GNAL: variants seen among roughly 807,000 people sequenced by gnomAD.
GNAL encodes G protein subunit alpha L.
A neutral mutation model predicts 55.1 loss-of-function variants in GNAL; 18 were observed. That is an observed-to-expected ratio of 0.33 (90% CI 0.23 to 0.48). GNAL has a LOEUF of 0.48. Ranked by LOEUF, GNAL falls within the 20% of genes least tolerant of loss-of-function variation. The pLI is 0.99. For synonymous variants in GNAL, 253 were observed against 237.0 expected, an observed-to-expected ratio of 1.07 and a Z score of -0.62; for missense variants, 412 against 614.1, an observed-to-expected ratio of 0.67 and a Z score of 3.48.
Position 11,867,149 on chromosome 18 carries a change from TCC to T in GNAL, c.852-18_852-17del. On this transcript the variant is annotated splice_polypyrimidine_tract_variant and intron_variant, in intron 7 of 11. Coordinates refer to ENST00000334049, the MANE Select transcript of GNAL (RefSeq NM_182978.4). ...CCCTGCTTCCCCCAAATAATTGTGT[TCC>T]TCTTGCTCTTCCACAGCATGTTTGA... The T allele has an allele frequency of 6.3e-7, 1 of 1,594,954 alleles. No homozygotes were observed. The highest frequency in any genetic ancestry group is 2.2e-5 in the East Asian group (1 of 44,776).
In GNAL at chr18:11,788,910, A is replaced by ATATAT. The variant is rs1314963053; in HGVS notation, c.624+34965_624+34966insTATAT. Among the ~76,000 whole-genome samples the ATATAT allele has an allele frequency of 2.8e-3, 205 of 73,292 alleles. 1 individual carries two copies. The highest frequency in any genetic ancestry group is 8.8e-3 in the Middle Eastern group (1 of 114). The allele number at this position is 73,292 out of a possible 152,430, so 48.1% of individuals were successfully genotyped here. The stretch of plus-strand genomic sequence containing the variant: ...AGACTCCGTCTCGAAAAAAAAAAAA[A>ATATAT]AAAAATATATATATATATATATATA... On this transcript the variant is annotated intron_variant, in intron 4 of 11. Coordinates refer to ENST00000334049, the MANE Select transcript of GNAL (RefSeq NM_182978.4).
chr18:11,767,695 C>A, intron 4 of GNAL, among the ~76,000 whole-genome samples: 1 of 152,188 alleles, frequency 6.6e-6, no homozygotes, highest in Non-Finnish European at 1.5e-5. Context: ...CTCTGTGCAT[C>A]CTTGCACTTG....
intron 4 of GNAL, among the ~76,000 whole-genome samples, chr18:11,815,603 A>G (rs920925326): frequency 3.3e-5 from 5 of 152,184 alleles, no homozygotes; most frequent in African/African-American, 1.2e-4. Flanking sequence ...CCCACCTCCA[A>G]CATTGGGGAT....
intron 4 of GNAL, among the ~76,000 whole-genome samples, chr18:11,768,893 CA>C (rs201256718): frequency 0.015 from 1,179 of 79,586 alleles, 59 homozygotes; most frequent in Middle Eastern, 0.038. Flanking sequence ...GACTCTGTCT[CA>C]AAAAAAAAAA....
chr18:11,794,759 T>TAAAAA (rs775143875), intron 4 of GNAL, among the ~76,000 whole-genome samples: 17 of 90,360 alleles, frequency 1.9e-4, no homozygotes, highest in African/African-American at 6.6e-4. Context: ...ACACACAGGT[T>TAAAAA]AAAAAAAAAA....
intron 4 of GNAL, among the ~76,000 whole-genome samples, chr18:11,796,082 A>G (rs1282575523): frequency 1.3e-5 from 2 of 152,144 alleles, no homozygotes; most frequent in Non-Finnish European, 2.9e-5. Flanking sequence ...GAGGAAAGTA[A>G]CCATCCCTCC....
chr18:11,817,373 T>C (rs1292774742), intron 4 of GNAL, among the ~76,000 whole-genome samples: 1 of 152,196 alleles, frequency 6.6e-6, no homozygotes, highest in African/African-American at 2.4e-5. Flanking sequence ...CATGTTGTCA[T>C]TGAATTACCT....
rs116875114 is a variant in GNAL at position 11,869,140 on chromosome 18, T to A, written c.1031+477T>A. Among the ~76,000 whole-genome samples the A allele has an allele frequency of 2.3e-3, 323 of 137,878 alleles. 1 individual carries two copies. The highest frequency in any genetic ancestry group is 3.7e-3 in the Non-Finnish European group (239 of 64,410). 90.5% of individuals were successfully genotyped at this position (137,878 alleles called of 152,430 possible). A position where few individuals can be genotyped will look rare whatever the true frequency, so the allele number is the denominator to read the frequency against. On this transcript the variant is annotated intron_variant, in intron 9 of 11. Coordinates refer to ENST00000334049, the MANE Select transcript of GNAL (RefSeq NM_182978.4). ...ATACTTAAAATGTGGAATATTTTTT[T>A]TTATTATTTTTTTTTTATTTTGAGA... is the stretch of plus-strand genomic sequence containing the variant.
intron 1 of GNAL, among the ~76,000 whole-genome samples, chr18:11,710,868 CTGTTTTGTTT>C (rs542715685): frequency 7.2e-5 from 11 of 151,874 alleles, no homozygotes; most frequent in African/African-American, 2.2e-4. Flanking sequence ...TCAGTATGAA[CTGTTTTGTTT>C]TGTTTTGTTT....
intron 5 of GNAL, among the ~76,000 whole-genome samples, chr18:11,841,314 T>C (rs955898148): frequency 2.0e-5 from 3 of 152,150 alleles, no homozygotes; most frequent in Non-Finnish European, 2.9e-5. Context: ...AGGGCAAGGT[T>C]AATCATGATT....
chr18:11,852,059 C>A (rs772587665), intron 5 of GNAL: 2 of 1,613,102 alleles, frequency 1.2e-6, no homozygotes, highest in East Asian at 2.2e-5. Context: ...GTGGCTTCGG[C>A]GGAGCAGGAT....
At position 11,752,138 on chromosome 18, in the gene GNAL, GCCCC is replaced by G; in HGVS notation, c.377-712_377-709del. The G allele has an allele frequency of 4.3e-6, 1 of 234,328 alleles. No homozygotes were observed. Among genetic ancestry groups the G allele is most frequent in the Non-Finnish European group, 7.7e-6 (1 of 130,322 alleles). The allele number at this position is 234,328 out of a possible 1,614,324, so 14.5% of individuals were successfully genotyped here. A position where few individuals can be genotyped will look rare whatever the true frequency, so the allele number is the denominator to read the frequency against. On this transcript the variant is annotated intron_variant, in intron 1 of 11. Coordinates refer to ENST00000334049, the MANE Select transcript of GNAL (RefSeq NM_182978.4). This position sits in a 1 kb window ranked among gnomAD's most constrained non-coding sequence, Gnocchi z 4.5. ...GTCTCCAGCGGAGACCGGCGCCCTC[GCCCC>G]CCGTCTCCGTTCATTGTGCTGTATT...
At chr18:11,753,409 A>G in intron 2 of GNAL, 1 of 508,132 alleles carries the variant, frequency 2.0e-6, no homozygotes, top group Non-Finnish European at 3.5e-6. Flanking sequence ...AGATTTTTAA[A>G]AAAATGTGTG....
At position 11,738,876 on chromosome 18, in the gene GNAL, C is replaced by T. The variant is rs572435433; in HGVS notation, c.377-13977C>T. ...GAGGATGAGGAGGATGTGCAGGTTG[C>T]CAGGCAGGACGGCAGTGACCTGGGG... On this transcript the variant is annotated intron_variant, in intron 1 of 11. Transcript: ENST00000334049. 4.6e-5 allele frequency among the ~76,000 whole-genome samples: 7 copies of T among 152,248 alleles called. No homozygotes were observed. The East Asian group carries it at 1.4e-3, about 30-fold the overall frequency.
intron 4 of GNAL, among the ~76,000 whole-genome samples, chr18:11,783,487 ACT>A (rs1311851761): frequency 7.2e-5 from 11 of 152,188 alleles, no homozygotes; most frequent in Admixed American, 1.3e-4. Context: ...AAGCCAAGAA[ACT>A]CTACTAATCT....
At chr18:11,799,887 T>C (rs1416158728) in intron 4 of GNAL, among the ~76,000 whole-genome samples, 1 of 152,024 alleles carries the variant, frequency 6.6e-6, no homozygotes, top group African/African-American at 2.4e-5. Context: ...CCCTGAGGCC[T>C]TCTCTCTCCC....
At chr18:11,727,262 G>T (rs1006138462) in intron 1 of GNAL, among the ~76,000 whole-genome samples, 6 of 152,156 alleles carry the variant, frequency 3.9e-5, no homozygotes, top group Non-Finnish European at 8.8e-5. Flanking sequence ...GGAGCCGCAG[G>T]GTGTCAGGCA....
intron 4 of GNAL, chr18:11,810,802 T>C (rs2034793251): frequency 6.6e-6 from 1 of 152,308 alleles, no homozygotes; most frequent in Admixed American, 6.5e-5. Flanking sequence ...TGGCTATAAG[T>C]GCATTGGCCT....
At chr18:11,860,998 C>G (rs1477110115) in intron 5 of GNAL, among the ~76,000 whole-genome samples, 2 of 152,220 alleles carry the variant, frequency 1.3e-5, no homozygotes, top group Non-Finnish European at 2.9e-5. Flanking sequence ...CTTGCCCACA[C>G]TGAGGTTCAC....
Sources: gnomAD v4.1 joint callset for allele counts (sites outside exome capture counted in the v4.1 genomes callset) on GRCh38, gnomAD v4.1.1 for gene constraint, Gnocchi (gnomAD v3.1) non-coding constraint, MANE v1.5 for transcripts, NCBI Gene and HGNC (gene_info 2026-07-23, HGNC 2026-07-21) for gene names.